SLC7A7: variants seen among roughly 807,000 people sequenced by gnomAD.
The protein encoded by SLC7A7 is solute carrier family 7 member 7, also known as Y+L amino acid transporter 1.
SLC7A7 carries 39 observed loss-of-function variants against 47.9 expected under a neutral mutation model. That is an observed-to-expected ratio of 0.81 (90% CI 0.63 to 1.06). SLC7A7 has a LOEUF of 1.06. SLC7A7 is among the 50% of genes least tolerant of loss of function. The pLI is 0.00. For synonymous variants in SLC7A7, 234 were observed against 242.8 expected, an observed-to-expected ratio of 0.96 and a Z score of 0.34; for missense variants, 588 against 632.0, an observed-to-expected ratio of 0.93 and a Z score of 0.75.
At position 22,788,603 on chromosome 14, in the gene SLC7A7, C is replaced by G. The variant is rs572012657; in HGVS notation, c.500-8552G>C. On this transcript the variant is annotated intron_variant, in intron 2 of 9. Transcript: ENST00000674313. ...CCTGTCATCCCAGCTACTCAGGAGG[C>G]TGAGGCAGGAGAATCGCTTGAACCC... is the stretch of plus-strand genomic sequence containing the variant. 1.9e-3 allele frequency among the ~76,000 whole-genome samples: 289 copies of G among 151,348 alleles called. 2 individuals carry two copies. Among genetic ancestry groups the G allele is most frequent in the African/African-American group, 6.3e-3 (259 of 41,198 alleles).
rs1369889388 is a variant in SLC7A7 at position 22,812,909 on chromosome 14, C to A, written c.490G>T (p.Ala164Ser). ...CCCCAGCCCCACTTACAAATGCAGG[C>A]AGCAGCCAGCAGGCGGCTGGCAGCA... is the stretch of plus-strand genomic sequence containing the variant. ...PYAASRLLAA[A>S]CICLLTFINC... The change falls in exon 2 of 10, where the codon GCC (alanine) becomes TCC (serine). Residue 164 changes from alanine to serine, a missense_variant. Ala to Ser is a moderately conservative substitution (Grantham distance 99). Coordinates refer to ENST00000674313, the MANE Select transcript of SLC7A7 (RefSeq NM_003982.4). The A allele has an allele frequency of 1.9e-6, 3 of 1,613,270 alleles. No individual in the cohort carries two copies. Among genetic ancestry groups the A allele is most frequent in the Non-Finnish European group, 2.5e-6 (3 of 1,179,896 alleles).
chr14:22,819,039 A>G (rs2039443285), upstream of SLC7A7, among the ~76,000 whole-genome samples: 1 of 152,186 alleles, frequency 6.6e-6, no homozygotes, highest in African/African-American at 2.4e-5. Context: ...TTTGATTCAG[A>G]AACTGGCAGC....
At position 22,773,250 on chromosome 14, in the gene SLC7A7, C is replaced by T; in HGVS notation, c.*360G>A. On this transcript the variant is annotated 3_prime_UTR_variant, in exon 10 of 10. Coordinates refer to ENST00000674313, the MANE Select transcript of SLC7A7 (RefSeq NM_003982.4). ...AGGAACATAAACTTTTATTGTCATC[C>T]AGCACCTGTGATAGTTTCATGTCTC... is the stretch of plus-strand genomic sequence containing the variant. 2.3e-6 allele frequency: 1 copy of T among 425,666 alleles called. No individual in the cohort carries two copies. The highest frequency in any genetic ancestry group is 7.8e-4 in the Middle Eastern group (1 of 1,274). 26.4% of individuals were successfully genotyped at this position (425,666 alleles called of 1,614,324 possible). A position where few individuals can be genotyped will look rare whatever the true frequency, so the allele number is the denominator to read the frequency against.
Position 22,775,416 on chromosome 14 carries a change from T to C in SLC7A7, c.1095+28A>G, listed in dbSNP as rs190239183. 1.8e-5 allele frequency: 28 copies of C among 1,582,510 alleles called. No individual in the cohort carries two copies. In the African/African-American group the frequency reaches 2.0e-4, roughly 11 times the overall value. ...ACTAAAGTTTCCCCCGCAATCTGGC[T>C]TTCAGTCTCATCCTTGAGTTCACTT... On this transcript the variant is annotated intron_variant, in intron 7 of 9. Coordinates refer to ENST00000674313, the MANE Select transcript of SLC7A7 (RefSeq NM_003982.4).
At chr14:22,816,999 C>T (rs554221209), upstream of SLC7A7, among the ~76,000 whole-genome samples, 1 of 152,054 alleles carries the variant, frequency 6.6e-6, no homozygotes, top group African/African-American at 2.4e-5. Context: ...CTGGGCCAGA[C>T]ACACTGCTAA....
chr14:22,802,907 T>C (rs566198222), intron 2 of SLC7A7, among the ~76,000 whole-genome samples: 1 of 151,112 alleles, frequency 6.6e-6, no homozygotes, highest in South Asian at 2.1e-4. Flanking sequence ...CCACACCCCA[T>C]ACATTTTTTT....
intron 2 of SLC7A7, among the ~76,000 whole-genome samples, chr14:22,782,898 G>A (rs2038745561): frequency 6.6e-6 from 1 of 151,860 alleles, no homozygotes; most frequent in Non-Finnish European, 1.5e-5. Flanking sequence ...TAGTAGCTGG[G>A]ATCAAAGGTG....
At chr14:22,776,767 A>G (rs983406446) in intron 4 of SLC7A7, among the ~76,000 whole-genome samples, 2 of 152,186 alleles carry the variant, frequency 1.3e-5, no homozygotes, top group African/African-American at 4.8e-5. Flanking sequence ...CAGGAGTTCA[A>G]GACCAGCCTG....
At chr14:22,785,409 C>T (rs2038795365) in intron 2 of SLC7A7, among the ~76,000 whole-genome samples, 1 of 152,200 alleles carries the variant, frequency 6.6e-6, no homozygotes, top group African/African-American at 2.4e-5. Flanking sequence ...AATCCTCTTC[C>T]ACCCAATGGC....
At chr14:22,788,719 A>AG (rs1361102708) in intron 2 of SLC7A7, among the ~76,000 whole-genome samples, 2 of 152,042 alleles carry the variant, frequency 1.3e-5, no homozygotes, top group African/African-American at 4.8e-5. Flanking sequence ...AAAAAAAAAA[A>AG]AAAGTGAACA....
At chr14:22,780,424 C>G (rs2038699240) in intron 2 of SLC7A7, 1 of 284,634 alleles carries the variant, frequency 3.5e-6, no homozygotes, top group Non-Finnish European at 6.8e-6. Flanking sequence ...TCCTACCTCC[C>G]ATTCCCCATG....
At chr14:22,788,461 T>C (rs959683030) in intron 2 of SLC7A7, among the ~76,000 whole-genome samples, 2 of 152,072 alleles carry the variant, frequency 1.3e-5, no homozygotes, top group East Asian at 1.9e-4. Context: ...TCCTAGCACG[T>C]TGGGAGGCCA....
chr14:22,789,291 G>A (rs7359123), intron 2 of SLC7A7, among the ~76,000 whole-genome samples: 13,777 of 152,098 alleles, frequency 0.091, 712 homozygotes, highest in South Asian at 0.14. Context: ...GAACCTGTGA[G>A]CCATGTTATA....
In SLC7A7 at chr14:22,775,168, C is replaced by T. The variant is rs572953527; in HGVS notation, c.1095+276G>A. Among the ~76,000 whole-genome samples the T allele has an allele frequency of 1.8e-3, 273 of 152,190 alleles. 1 individual carries two copies. Among genetic ancestry groups the T allele is most frequent in the African/African-American group, 5.8e-3 (240 of 41,524 alleles). ...AGTGATCGTTTCTTCTCTTAAACAC[C>T]GTATCACTCACTATCTGTCATGGCA... On this transcript the variant is annotated intron_variant, in intron 7 of 9. Transcript: ENST00000674313.
intron 4 of SLC7A7, among the ~76,000 whole-genome samples, chr14:22,777,335 T>C (rs547328540): frequency 3.8e-4 from 58 of 152,254 alleles, no homozygotes; most frequent in African/African-American, 1.2e-3. Flanking sequence ...AAAGAAATTA[T>C]GGAGGCAAAT....
intron 2 of SLC7A7, among the ~76,000 whole-genome samples, chr14:22,812,374 C>G (rs2138659616): frequency 1.3e-5 from 2 of 151,918 alleles, no homozygotes; most frequent in Middle Eastern, 6.8e-3. Context: ...ACCATGTTGG[C>G]CAGGCTAGTC....
At chr14:22,798,088 G>C (rs1017047651) in intron 2 of SLC7A7, among the ~76,000 whole-genome samples, 1 of 152,138 alleles carries the variant, frequency 6.6e-6, no homozygotes, top group Non-Finnish European at 1.5e-5. Flanking sequence ...CTGAGGTCAG[G>C]AGTTTCAGAC....
intron 2 of SLC7A7, chr14:22,780,334 C>T (rs1263513975): frequency 5.1e-6 from 2 of 395,180 alleles, no homozygotes; most frequent in East Asian, 1.1e-4. Context: ...TGTCCAATCA[C>T]AGCAGTGGGA....
intron 9 of SLC7A7, 28 bp from the exon 10 acceptor site, chr14:22,773,744 G>A (rs1173100404): frequency 6.2e-7 from 1 of 1,607,836 alleles, no homozygotes; most frequent in African/African-American, 1.3e-5. Flanking sequence ...AGTTGGAATT[G>A]AGAAGAGGTC....
Sources: allele counts gnomAD v4.1 joint callset (sites outside exome capture counted in the v4.1 genomes callset), GRCh38; gene constraint gnomAD v4.1.1; transcripts MANE v1.5; gene names NCBI Gene and HGNC (gene_info 2026-07-23, HGNC 2026-07-21).